The following NKAIN4 variants were observed in gnomAD, a reference collection of about 807,000 sequenced individuals.
NKAIN4 encodes sodium/potassium transporting ATPase interacting 4, also known as sodium/potassium-transporting ATPase subunit beta-1-interacting protein 4.
A neutral mutation model predicts 28.8 loss-of-function variants in NKAIN4; 28 were observed. The observed-to-expected ratio is 0.97, with a 90% confidence interval of 0.72 to 1.33. NKAIN4 has a LOEUF of 1.33. NKAIN4 is among the 40% of genes most tolerant of loss of function. The pLI is 0.00. For missense variants in NKAIN4, 289 were observed against 277.2 expected (o/e 1.04, Z -0.30); for synonymous variants, 122 against 115.6 (o/e 1.06, Z -0.36).
chr20:63,250,522 C>T (rs949599388), intron 1 of NKAIN4, among the ~76,000 whole-genome samples: 3 of 148,232 alleles, frequency 2.0e-5, no homozygotes, highest in Non-Finnish European at 4.6e-5. Flanking sequence ...GGGACGGACG[C>T]GGGTTCACAA....
At chr20:63,250,111 G>A (rs1268644043) in intron 1 of NKAIN4, 39 bp from the exon 2 acceptor site, 9 of 1,529,958 alleles carry the variant, frequency 5.9e-6, no homozygotes, top group Non-Finnish European at 7.0e-6. Flanking sequence ...TGGACCCGAG[G>A]GAGGCCCCAG....
rs2066973023 is a variant in NKAIN4 at position 63,252,208 on chromosome 20, G to A, written c.55-2136C>T. ...CTCCATGACATGTGGCGACATGCAT[G>A]AGCAGGGAGGCTCATGCCACCATGG... On this transcript the variant is annotated intron_variant, in intron 1 of 6. Transcript: ENST00000370316. This position sits in a 1 kb window ranked among gnomAD's most constrained non-coding sequence, Gnocchi z 4.6. Among the ~76,000 whole-genome samples, 1 of 152,186 alleles carries A rather than the reference G, an allele frequency of 6.6e-6. No individual in the cohort carries two copies. Among genetic ancestry groups the A allele is most frequent in the South Asian group, 2.1e-4 (1 of 4,830 alleles).
rs1316115744 is a variant in NKAIN4 at position 63,254,409 on chromosome 20, G to A, written c.42C>T (p.Cys14=). ...CSGRCALVVL[C]AFQLVAALER... ...GGTCGCCACTCACCAGCTGAAAAGC[G>A]CAGAGGACGACGAGCGCGCAGCGGC... is the stretch of plus-strand genomic sequence containing the variant. Residue 14 remains cysteine, a synonymous_variant, in exon 1 of 7, where the codon TGC becomes TGT. Transcript: ENST00000370316. 13 of 1,449,226 alleles carry A rather than the reference G, an allele frequency of 9.0e-6. No individual in the cohort carries two copies. The highest frequency in any genetic ancestry group is 1.2e-5 in the Non-Finnish European group (13 of 1,102,322). The allele number at this position is 1,449,226 out of a possible 1,614,324, so 89.8% of individuals were successfully genotyped here. A position where few individuals can be genotyped will look rare whatever the true frequency, so the allele number is the denominator to read the frequency against.
intron 1 of NKAIN4, among the ~76,000 whole-genome samples, chr20:63,250,697 G>T (rs78371785): frequency 6.6e-6 from 1 of 152,124 alleles, no homozygotes; most frequent in Non-Finnish European, 1.5e-5. Context: ...ACCAATGAGG[G>T]GGGGAGGGAA....
intron 2 of NKAIN4, among the ~76,000 whole-genome samples, chr20:63,249,457 T>C (rs1299524978): frequency 1.3e-5 from 2 of 152,188 alleles, no homozygotes; most frequent in African/African-American, 2.4e-5. Context: ...TCTGGACCGA[T>C]GATTTGGTTC....
At chr20:63,242,243 C>G (rs78385787) in intron 6 of NKAIN4, among the ~76,000 whole-genome samples, 2 of 152,086 alleles carry the variant, frequency 1.3e-5, no homozygotes, top group Non-Finnish European at 2.9e-5. Context: ...TTCAGGACAC[C>G]CTTGCGGCCC....
At position 63,248,832 on chromosome 20, in the gene NKAIN4, C is replaced by T; in HGVS notation, c.256G>A (p.Val86Ile). Reference sequence around the variant, plus strand: ...GCACTCACCTTTAAGAGGCCACCGACTTCCAGGTAGAAGCAGATGATGAAG... The same window carrying T: ...GCACTCACCTTTAAGAGGCCACCGATTTCCAGGTAGAAGCAGATGATGAAG... ...NVFIICFYLEVGGLLKDSELL... is the reference protein window; with the variant it reads ...NVFIICFYLEIGGLLKDSELL... The change falls in exon 3 of 7, where the codon GTC becomes ATC. Residue 86 changes from valine to isoleucine, a missense_variant. Coordinates refer to ENST00000370316, the MANE Select transcript of NKAIN4 (RefSeq NM_152864.4). 1 of 1,612,628 alleles carries T rather than the reference C, an allele frequency of 6.2e-7. No homozygotes were observed. Among genetic ancestry groups the T allele is most frequent in the Non-Finnish European group, 8.5e-7 (1 of 1,179,656 alleles).
chr20:63,254,356 A>C, intron 1 of NKAIN4, 41 bp downstream of exon 1: 1 of 1,408,862 alleles, frequency 7.1e-7, no homozygotes, highest in South Asian at 1.4e-5. Context: ...TGGGTCGGGC[A>C]CCGGGGGCTC....
At chr20:63,251,278 G>A (rs1476563984) in intron 1 of NKAIN4, among the ~76,000 whole-genome samples, 2 of 152,164 alleles carry the variant, frequency 1.3e-5, no homozygotes, top group Non-Finnish European at 2.9e-5. Context: ...GCACAGGATG[G>A]AACATGAAGG....
In NKAIN4 at chr20:63,247,074, C is replaced by T. The variant is rs543944216; in HGVS notation, c.471+504G>A. 4.4e-5 allele frequency: 45 copies of T among 1,028,414 alleles called. No individual in the cohort carries two copies. The South Asian group carries it at 9.3e-4, about 21-fold the overall frequency. The allele number at this position is 1,028,414 out of a possible 1,614,324, so 63.7% of individuals were successfully genotyped here. A position where few individuals can be genotyped will look rare whatever the true frequency, so the allele number is the denominator to read the frequency against. ...TCCCTGTCCGGTCAGACCTGGGTCACGTGGCGCCAGCCTTGCCAGATGCAT... is the reference window on the plus strand; with the variant it reads ...TCCCTGTCCGGTCAGACCTGGGTCATGTGGCGCCAGCCTTGCCAGATGCAT... On this transcript the variant is annotated intron_variant, in intron 4 of 6. Coordinates refer to ENST00000370316, the MANE Select transcript of NKAIN4 (RefSeq NM_152864.4).
chr20:63,250,783 C>T (rs1027216619), intron 1 of NKAIN4, among the ~76,000 whole-genome samples: 2 of 152,120 alleles, frequency 1.3e-5, no homozygotes, highest in African/African-American at 4.8e-5. Context: ...ATGACCAGGA[C>T]GCTAACTGCA....
At chr20:63,241,539 A>G (rs1054191915) in intron 6 of NKAIN4, 33 bp from the exon 7 acceptor site, 63 of 1,548,560 alleles carry the variant, frequency 4.1e-5, no homozygotes, top group Non-Finnish European at 5.4e-5. Flanking sequence ...CACCTGGGGG[A>G]ACAGGGCTGG....
At chr20:63,247,877 TCCTGTCCTCTCACCTCC>T in intron 3 of NKAIN4, 102 bp from the exon 4 acceptor site, 1 of 1,371,778 alleles carries the variant, frequency 7.3e-7, no homozygotes, top group Non-Finnish European at 9.5e-7. Context: ...CAAGGGGAGG[TCCTGTCCTCTCACCTCC>T]CCTGTCCTCC....
intron 3 of NKAIN4, 175 bp downstream of exon 3, chr20:63,248,640 C>G: frequency 3.4e-6 from 2 of 587,716 alleles, no homozygotes; most frequent in Non-Finnish European, 6.2e-6. Context: ...TTCCCCAAAC[C>G]TTTACTGAGT....
chr20:63,242,946 G>C (rs1266484198), intron 5 of NKAIN4, among the ~76,000 whole-genome samples: 1 of 151,634 alleles, frequency 6.6e-6, no homozygotes, highest in Admixed American at 6.6e-5. Flanking sequence ...GGATGGCCTC[G>C]GGGGACAGTG....
intron 4 of NKAIN4, 189 bp downstream of exon 4, chr20:63,247,389 C>G: frequency 1.3e-6 from 2 of 1,530,200 alleles, no homozygotes; most frequent in South Asian, 1.2e-5. Context: ...AGAGGAGGCA[C>G]TGAGGTGCCA....
chr20:63,246,907 C>T (rs991158406), intron 4 of NKAIN4: 17 of 985,286 alleles, frequency 1.7e-5, no homozygotes, highest in South Asian at 9.4e-5. Context: ...GGCGGCACAG[C>T]GGGGAAGTGG....
At chr20:63,243,295 A>G (rs2066794181) in intron 5 of NKAIN4, among the ~76,000 whole-genome samples, 1 of 152,118 alleles carries the variant, frequency 6.6e-6, no homozygotes, top group South Asian at 2.1e-4. Flanking sequence ...CTCTGGAATC[A>G]GGCCTGGTCT....
chr20:63,241,297 C>A lies in NKAIN4; in HGVS notation c.*200G>T. ...TTTTTAAGAGAAAGGAAATTACAAACTCTCTTGACGCTGCAGCCAGCCGTG... is the reference window on the plus strand; with the variant it reads ...TTTTTAAGAGAAAGGAAATTACAAAATCTCTTGACGCTGCAGCCAGCCGTG... On this transcript the variant is annotated 3_prime_UTR_variant, in exon 7 of 7. Transcript: ENST00000370316. The A allele has an allele frequency of 1.8e-6, 1 of 554,292 alleles. No individual in the cohort carries two copies. The highest frequency in any genetic ancestry group is 1.9e-5 in the African/African-American group (1 of 51,378). The allele number at this position is 554,292 out of a possible 1,614,324, so 34.3% of individuals were successfully genotyped here. A position where few individuals can be genotyped will look rare whatever the true frequency, so the allele number is the denominator to read the frequency against.
Sources: allele counts gnomAD v4.1 joint callset (sites outside exome capture counted in the v4.1 genomes callset), GRCh38; gene constraint gnomAD v4.1.1; non-coding constraint Gnocchi (gnomAD v3.1); transcripts MANE v1.5; gene names NCBI Gene and HGNC (gene_info 2026-07-23, HGNC 2026-07-21).